The following RNF130 variants were observed in gnomAD, a reference collection of about 807,000 sequenced individuals.
RNF130 encodes the protein E3 ubiquitin-protein ligase RNF130.
In RNF130, 21 loss-of-function variants were observed where a neutral mutation model predicts 44.6. That is an observed-to-expected ratio of 0.47 (90% CI 0.33 to 0.68). The LOEUF is 0.68. Among genes scored for constraint, RNF130 ranks in the 30% least tolerant of loss-of-function variants. The probability of loss-of-function intolerance (pLI) is 0.02; values close to 1 mark genes in which losing one functional copy is unlikely to be tolerated. For synonymous variants in RNF130, 214 were observed against 210.4 expected (o/e 1.02, Z -0.15); for missense variants, 479 against 560.6 (o/e 0.85, Z 1.47).
intron 8 of RNF130, among the ~76,000 whole-genome samples, chr5:179,961,397 G>T (rs988744646): frequency 2.6e-5 from 4 of 152,134 alleles, no homozygotes; most frequent in Non-Finnish European, 5.9e-5. Context: ...AACTAAGTAA[G>T]GCATGGATCT....
intron 3 of RNF130, among the ~76,000 whole-genome samples, chr5:179,982,493 A>G (rs1430731629): frequency 2.6e-5 from 4 of 152,122 alleles, no homozygotes; most frequent in African/African-American, 7.2e-5. Context: ...ATATTATTTT[A>G]CATTTGCAAC....
chr5:179,926,639 C>T (rs1582123559), intron 7 of RNF130, among the ~76,000 whole-genome samples: 1 of 152,116 alleles, frequency 6.6e-6, no homozygotes, highest in African/African-American at 2.4e-5. Flanking sequence ...CAGAACAAGA[C>T]TCCATCTCAA....
intron 2 of RNF130, among the ~76,000 whole-genome samples, chr5:180,037,627 T>C (rs967806474): frequency 1.4e-4 from 22 of 152,230 alleles, no homozygotes; most frequent in African/African-American, 5.3e-4. Flanking sequence ...TATTCCAGAC[T>C]TACTGAATCA....
At chr5:179,987,379 G>A (rs980807625) in intron 3 of RNF130, among the ~76,000 whole-genome samples, 9 of 152,162 alleles carry the variant, frequency 5.9e-5, no homozygotes, top group African/African-American at 2.2e-4. Context: ...ACATTGCCCA[G>A]GCTGGTCTTG....
intron 2 of RNF130, among the ~76,000 whole-genome samples, chr5:180,027,869 C>G (rs1221871802): frequency 1.3e-5 from 2 of 152,236 alleles, no homozygotes; most frequent in African/African-American, 4.8e-5. Flanking sequence ...CTGCCCGGCT[C>G]TGTGGCTGCT....
intron 3 of RNF130, among the ~76,000 whole-genome samples, chr5:179,997,617 C>T (rs1012460159): frequency 2.0e-5 from 3 of 151,862 alleles, no homozygotes; most frequent in Non-Finnish European, 2.9e-5. Flanking sequence ...TGTGAGCCAC[C>T]GCGAGTGGCC....
intron 1 of RNF130, among the ~76,000 whole-genome samples, chr5:180,066,050 CATA>C (rs1431338356): frequency 6.6e-6 from 1 of 152,204 alleles, no homozygotes; most frequent in Non-Finnish European, 1.5e-5. Context: ...TTCACTGCTG[CATA>C]ATATGTGCAT....
chr5:179,969,744 C>T (rs1363719263), intron 6 of RNF130, among the ~76,000 whole-genome samples: 3 of 152,164 alleles, frequency 2.0e-5, no homozygotes, highest in African/African-American at 7.2e-5. Flanking sequence ...AACCCCAGCA[C>T]TTTGGGAGGC....
Position 180,015,562 on chromosome 5 carries a change from G to GA in RNF130, c.443-2252dup, listed in dbSNP as rs770066694. Among the ~76,000 whole-genome samples the GA allele has an allele frequency of 2.5e-4, 14 of 55,160 alleles. 5 individuals carry two copies. The highest frequency in any genetic ancestry group is 4.3e-4 in the African/African-American group (4 of 9,352). The allele number at this position is 55,160 out of a possible 152,430, so 36.2% of individuals were successfully genotyped here. On this transcript the variant is annotated intron_variant, in intron 2 of 8. Transcript: ENST00000521389. ...GGAAAGGAGTAGGGGAAGGAGTAGG[G>GA]AAGGAGTAGGGAAAGGAGTAGGGAA...
At chr5:179,982,652 T>C (rs1266997129) in intron 3 of RNF130, among the ~76,000 whole-genome samples, 2 of 152,224 alleles carry the variant, frequency 1.3e-5, no homozygotes, top group Non-Finnish European at 2.9e-5. Context: ...CACGGCTCAC[T>C]GTAGCCTTGA....
intron 2 of RNF130, among the ~76,000 whole-genome samples, chr5:180,024,470 T>C (rs1236560930): frequency 6.6e-6 from 1 of 152,030 alleles, no homozygotes; most frequent in African/African-American, 2.4e-5. Flanking sequence ...AAAGACTCAT[T>C]ATATAAAAGG....
At chr5:180,017,692 A>AT (rs1392741034) in intron 2 of RNF130, among the ~76,000 whole-genome samples, 1 of 152,102 alleles carries the variant, frequency 6.6e-6, no homozygotes, top group Admixed American at 6.6e-5. Flanking sequence ...CATCAATTCT[A>AT]TTTTTTAATG....
At chr5:179,994,545 T>A (rs765534707) in intron 3 of RNF130, among the ~76,000 whole-genome samples, 1 of 152,154 alleles carries the variant, frequency 6.6e-6, no homozygotes, top group Non-Finnish European at 1.5e-5. Flanking sequence ...TGAGTAGGAT[T>A]GTTTGACTTT....
chr5:180,070,616 A>G (rs937764262), intron 1 of RNF130, among the ~76,000 whole-genome samples: 3 of 152,222 alleles, frequency 2.0e-5, no homozygotes, highest in Admixed American at 6.5e-5. Context: ...ATAATGGCAG[A>G]TATCTCCCAA....
intron 6 of RNF130, 93 bp downstream of exon 6, chr5:179,970,317 G>T: frequency 1.1e-6 from 1 of 923,758 alleles, no homozygotes; most frequent in Non-Finnish European, 1.6e-6. Context: ...CTGTGTCTTA[G>T]TCATGCCTCC....
chr5:179,967,046 GA>G, intron 6 of RNF130, 36 bp from the exon 7 acceptor site: 2 of 1,548,428 alleles, frequency 1.3e-6, no homozygotes, highest in Non-Finnish European at 1.8e-6. Flanking sequence ...TAATTGTAAG[GA>G]AAACACAACC....
intron 7 of RNF130, among the ~76,000 whole-genome samples, chr5:179,947,206 T>C (rs544244186): frequency 6.6e-6 from 1 of 152,350 alleles, no homozygotes; most frequent in Non-Finnish European, 1.5e-5. Flanking sequence ...CTAGCAATTC[T>C]ATCTTTAGTA....
At chr5:179,952,342 G>C, downstream of RNF130, among the ~76,000 whole-genome samples, 1 of 152,088 alleles carries the variant, frequency 6.6e-6, no homozygotes, top group East Asian at 1.9e-4. Flanking sequence ...AACCTGAATA[G>C]GCCTCTAAGT....
At chr5:179,930,772 C>T (rs1761796891) in intron 7 of RNF130, among the ~76,000 whole-genome samples, 1 of 151,888 alleles carries the variant, frequency 6.6e-6, no homozygotes, top group Admixed American at 6.6e-5. Context: ...GGCGTGGTGG[C>T]TCATGCCTGT....
Sources: gnomAD v4.1 joint callset for allele counts (sites outside exome capture counted in the v4.1 genomes callset) on GRCh38, gnomAD v4.1.1 for gene constraint, MANE v1.5 for transcripts, NCBI Gene and HGNC (gene_info 2026-07-23, HGNC 2026-07-21) for gene names.